NELFA: variants seen among roughly 807,000 people sequenced by gnomAD.
The protein encoded by NELFA is negative elongation factor A.
In NELFA, 35 loss-of-function variants were observed where a neutral mutation model predicts 51.8. The observed-to-expected ratio is 0.68, with a 90% confidence interval of 0.52 to 0.90. The LOEUF is 0.90. NELFA is among the 40% of genes least tolerant of loss of function. NELFA has a pLI of 0.00. For synonymous variants in NELFA, 417 were observed against 338.4 expected (o/e 1.23, Z -2.55); for missense variants, 658 against 746.4 (o/e 0.88, Z 1.38).
chr4:1,989,823 G>A lies in NELFA; in HGVS notation c.429C>T (p.Tyr143=). The stretch of plus-strand genomic sequence containing the variant: ...GGGTCGTCAGGGCGTTTTTGTTCAA[G>A]TACTGGCACTCCAGTGGCAGCATGG... ...ASAMLPLECQ[Y]LNKNALTTLA... Residue 143 remains tyrosine (Y), a synonymous_variant, in exon 3 of 11, where the codon TAC becomes TAT. Transcript: ENST00000382882. This position sits in a 1 kb window ranked among gnomAD's most constrained non-coding sequence, Gnocchi z 4.8. 6.2e-7 allele frequency: 1 copy of A among 1,614,198 alleles called. No individual in the cohort carries two copies.
Position 1,989,380 on chromosome 4 carries a change from T to C in NELFA, c.544+328A>G, listed in dbSNP as rs1577617061. ...GGTCTCACTCTCTCCCAGGCTGGAG[T>C]GTAGTGGTGTGATCACAGCTCACTG... is the stretch of plus-strand genomic sequence containing the variant. On this transcript the variant is annotated intron_variant, in intron 3 of 10. Coordinates refer to ENST00000382882, the MANE Select transcript of NELFA (RefSeq NM_005663.5). The surrounding 1 kb of genome is among the most constrained non-coding windows in gnomAD (Gnocchi z 4.8). 6.6e-6 allele frequency among the ~76,000 whole-genome samples: 1 copy of C among 152,144 alleles called. No homozygotes were observed. The highest frequency in any genetic ancestry group is 2.4e-5 in the African/African-American group (1 of 41,428).
chr4:1,990,993 C>A (rs1728253519), intron 2 of NELFA, among the ~76,000 whole-genome samples: 1 of 152,128 alleles, frequency 6.6e-6, no homozygotes, highest in Admixed American at 6.5e-5. Flanking sequence ...CAAATGGGTT[C>A]TTGCTATGTT....
Position 1,991,703 on chromosome 4 carries a change from G to C in NELFA, c.223C>G (p.Leu75Val). 6.2e-7 allele frequency: 1 copy of C among 1,601,174 alleles called. No individual in the cohort carries two copies. ...RRTVDEMKGA[L>V]MEIIQLASLD... is the part of the protein sequence containing the mutation. Reference sequence around the variant, plus strand: ...CTGGCGAGCTGGATGATCTCCATTAGGGCGCCCTTCATCTGCAAAATAGGA... The same window carrying C: ...CTGGCGAGCTGGATGATCTCCATTACGGCGCCCTTCATCTGCAAAATAGGA... The change falls in exon 2 of 11, where the codon CTA becomes GTA. Residue 75 changes from leucine to valine, a missense_variant. Leu to Val is a conservative substitution (Grantham distance 32). Transcript: ENST00000382882.
At chr4:2,000,391 TGCTA>T (rs908046619) in intron 1 of NELFA, among the ~76,000 whole-genome samples, 1 of 151,582 alleles carries the variant, frequency 6.6e-6, no homozygotes, top group African/African-American at 2.4e-5. Context: ...ATAGACAGAA[TGCTA>T]GCTAGACTAA....
chr4:1,991,586 T>C lies in NELFA; in HGVS notation c.340A>G (p.Asn114Asp). Reference protein sequence around the residue: ...GSLNLELEEQNPNVQDILGEL... With the variant: ...GSLNLELEEQDPNVQDILGEL... ...CCCAAAATATCCTGAACGTTGGGAT[T>C]CTGCTCCTCCAGCTCCAGGTTAAGC... is the stretch of plus-strand genomic sequence containing the variant. Residue 114 changes from asparagine to aspartate, a missense_variant, in exon 2 of 11, where the codon AAT becomes GAT. Around this residue, in one of 3 missense-constraint regions of NELFA, gnomAD observed 371 missense variants for 448.3 expected, o/e 0.83. Transcript: ENST00000382882. 6.8e-6 allele frequency: 11 copies of C among 1,614,126 alleles called. No individual in the cohort carries two copies. The highest frequency in any genetic ancestry group is 5.9e-6 in the Non-Finnish European group (7 of 1,180,028).
At chr4:2,000,859 C>A (rs1429963795) in intron 1 of NELFA, among the ~76,000 whole-genome samples, 1 of 152,162 alleles carries the variant, frequency 6.6e-6, no homozygotes, top group Non-Finnish European at 1.5e-5. Flanking sequence ...AACTTCAGGC[C>A]AACATCCCTG....
intron 2 of NELFA, 147 bp from the exon 3 acceptor site, chr4:1,990,016 A>C: frequency 1.2e-6 from 1 of 824,958 alleles, no homozygotes; most frequent in South Asian, 1.8e-5. Context: ...CTCGAGACTG[A>C]CTCCCCACGG....
chr4:1,991,959 T>A (rs757070606), intron 1 of NELFA: 39 of 454,850 alleles, frequency 8.6e-5, no homozygotes, highest in Non-Finnish European at 9.3e-5. Flanking sequence ...CCCAGCAGCC[T>A]CCCACCTCCC....
intron 2 of NELFA, among the ~76,000 whole-genome samples, chr4:1,991,282 C>T (rs984287638): frequency 2.6e-5 from 4 of 152,164 alleles, no homozygotes; most frequent in East Asian, 1.9e-4. Context: ...CAGAGAGAGA[C>T]GGCGAGTGGC....
chr4:1,984,914 A>C lies in NELFA; in HGVS notation c.930T>G (p.Leu310=). The C allele has an allele frequency of 6.4e-7, 1 of 1,568,792 alleles. No homozygotes were observed. Among genetic ancestry groups the C allele is most frequent in the Non-Finnish European group, 8.7e-7 (1 of 1,155,684 alleles). The change falls in exon 8 of 11, where the codon CTT becomes CTG. Residue 310 remains leucine (L), a synonymous_variant. Coordinates refer to ENST00000382882, the MANE Select transcript of NELFA (RefSeq NM_005663.5). ...GCGCAGGCTCATTGTTCAGGGACCC[A>C]AGTTTCTGGAACACAGAGTTTAAGG... ...YAAGLVSTQK[L]GSLNNEPALP... is the part of the protein sequence containing the mutation.
chr4:1,999,056 A>G (rs1311754521), intron 1 of NELFA, among the ~76,000 whole-genome samples: 1 of 152,178 alleles, frequency 6.6e-6, no homozygotes, highest in Non-Finnish European at 1.5e-5. Context: ...ACTAAGCTTC[A>G]TAAGTGAAGG....
At chr4:2,004,798 T>G (rs1728666086) in intron 1 of NELFA, among the ~76,000 whole-genome samples, 1 of 148,814 alleles carries the variant, frequency 6.7e-6, no homozygotes, top group African/African-American at 2.5e-5. Flanking sequence ...ATACATTATA[T>G]TTTAATAAAG....
Position 1,987,961 on chromosome 4 carries a change from G to T in NELFA, c.591C>A (p.Phe197Leu), listed in dbSNP as rs1728159034. 1.2e-6 allele frequency: 2 copies of T among 1,611,290 alleles called. No homozygotes were observed. Among genetic ancestry groups the T allele is most frequent in the African/African-American group, 2.7e-5 (2 of 74,940 alleles). The change falls in exon 4 of 11, where the codon TTC becomes TTA. Residue 197 changes from phenylalanine (F) to leucine (L), a missense_variant. By Grantham distance (22) the Phe-to-Leu change is conservative. Around this residue, in one of 3 missense-constraint regions of NELFA, gnomAD observed 371 missense variants for 448.3 expected, o/e 0.83. Transcript: ENST00000382882. ...GCAGCAGCCCCCGGCCCTTGGCGTG[G>T]AAGGGCACCCCGGCGCTCCGCTTCA... ...QQLKRSAGVPFHAKGRGLLRK... is the reference protein window; with the variant it reads ...QQLKRSAGVPLHAKGRGLLRK...
chr4:1,993,909 T>C (rs1432996486), intron 1 of NELFA, among the ~76,000 whole-genome samples: 2 of 151,362 alleles, frequency 1.3e-5, no homozygotes, highest in Non-Finnish European at 2.9e-5. Context: ...CCAGCGATTC[T>C]CCTGCCTCAT....
At chr4:1,993,362 A>G (rs1203521663) in intron 1 of NELFA, among the ~76,000 whole-genome samples, 1 of 152,102 alleles carries the variant, frequency 6.6e-6, no homozygotes, top group Admixed American at 6.5e-5. Context: ...CGGGCGGCTC[A>G]CGAGGTCAGG....
At chr4:1,995,580 T>G (rs1380336863) in intron 1 of NELFA, among the ~76,000 whole-genome samples, 1 of 151,956 alleles carries the variant, frequency 6.6e-6, no homozygotes, top group Non-Finnish European at 1.5e-5. Flanking sequence ...TTAAATGAGG[T>G]CTTTATCACA....
At position 1,989,904 on chromosome 4, in the gene NELFA, C is replaced by G; in HGVS notation, c.383-35G>C. On this transcript the variant is annotated intron_variant, in intron 2 of 10. Transcript: ENST00000382882. This position sits in a 1 kb window ranked among gnomAD's most constrained non-coding sequence, Gnocchi z 4.8. Reference sequence around the variant, plus strand: ...AGAACCACATGAAGTTAGGGGCGCCCAGGCCGCAGACCTCCCGGCTGAGAG... The same window carrying G: ...AGAACCACATGAAGTTAGGGGCGCCGAGGCCGCAGACCTCCCGGCTGAGAG... 1.2e-6 allele frequency: 2 copies of G among 1,600,562 alleles called. No individual in the cohort carries two copies. Among genetic ancestry groups the G allele is most frequent in the South Asian group, 2.2e-5 (2 of 89,186 alleles).
chr4:1,992,666 G>A (rs547317203), intron 1 of NELFA: 5 of 207,876 alleles, frequency 2.4e-5, no homozygotes, highest in East Asian at 1.9e-4. Context: ...CCCGTCCTAC[G>A]AGGGCTGCGG....
At position 1,983,705 on chromosome 4, in the gene NELFA, GGA is replaced by G. The variant is rs755355749; in HGVS notation, c.1303-12_1303-11del. On this transcript the variant is annotated splice_polypyrimidine_tract_variant and intron_variant, in intron 9 of 10. Transcript: ENST00000382882. ...CGAACATCTGCTCTCTCTACAGCGG[GGA>G]GAGGGGTGTGGGTGCCAGGGCCCCG... 1.3e-5 allele frequency: 21 copies of G among 1,612,858 alleles called. No homozygotes were observed. The highest frequency in any genetic ancestry group is 1.8e-5 in the Non-Finnish European group (21 of 1,179,214).
Sources: gnomAD v4.1 joint callset for allele counts (sites outside exome capture counted in the v4.1 genomes callset) on GRCh38, gnomAD v4.1.1 for gene constraint, gnomAD v4.1.1 regional missense constraint, Gnocchi (gnomAD v3.1) non-coding constraint, MANE v1.5 for transcripts, NCBI Gene and HGNC (gene_info 2026-07-23, HGNC 2026-07-21) for gene names.